Variants in EPB41L3 observed in about 807,000 individuals in gnomAD.
EPB41L3 encodes band 4.1-like protein 3.
A neutral mutation model predicts 127.1 loss-of-function variants in EPB41L3; 57 were observed. The ratio of observed to expected loss-of-function variants is 0.45; its 90% CI spans 0.36 to 0.56. EPB41L3 has a LOEUF of 0.56. Among genes scored for constraint, EPB41L3 ranks in the 20% least tolerant of loss-of-function variants. EPB41L3 has a pLI of 0.00. For synonymous variants in EPB41L3, 572 were observed against 549.5 expected, an observed-to-expected ratio of 1.04 and a Z score of -0.57; for missense variants, 1,273 against 1,372.2, an observed-to-expected ratio of 0.93 and a Z score of 1.14.
chr18:5,395,751 C>A (rs200212387), intron 19 of EPB41L3, 44 bp from the exon 20 acceptor site: 1 of 1,495,196 alleles, frequency 6.7e-7, no homozygotes, highest in Non-Finnish European at 9.3e-7. Context: ...GTGCTCACAT[C>A]TGCTCTTCAG....
chr18:5,509,002 G>T (rs987999432), intron 1 of EPB41L3, among the ~76,000 whole-genome samples: 5 of 152,144 alleles, frequency 3.3e-5, no homozygotes, highest in Non-Finnish European at 5.9e-5. Context: ...CAAGACCAAC[G>T]CAGCAGAGGC....
intron 1 of EPB41L3, among the ~76,000 whole-genome samples, chr18:5,617,319 T>A (rs1568654396): frequency 8.0e-6 from 1 of 124,894 alleles, no homozygotes; most frequent in East Asian, 2.1e-4. Context: ...CTATTATTAT[T>A]ATTTTTTTTT....
chr18:5,414,115 A>G (rs993861513), intron 13 of EPB41L3, among the ~76,000 whole-genome samples: 3 of 152,230 alleles, frequency 2.0e-5, no homozygotes, highest in African/African-American at 4.8e-5. Context: ...GTTAAAGGAA[A>G]AATATATCTC....
chr18:5,590,818 T>C (rs2094478826), intron 3 of EPB41L3, among the ~76,000 whole-genome samples: 1 of 152,180 alleles, frequency 6.6e-6, no homozygotes, highest in Non-Finnish European at 1.5e-5. Context: ...TTGCATATAA[T>C]GTCATACAAG....
rs201774673 is a variant in EPB41L3, at chr18:5,433,825, T to C, written c.824+78A>G. 176 of 1,470,266 alleles carry C rather than the reference T, an allele frequency of 1.2e-4. 2 individuals carry two copies. The East Asian group carries it at 3.9e-3, about 33-fold the overall frequency. The allele number at this position is 1,470,266 out of a possible 1,614,324, so 91.1% of individuals were successfully genotyped here. On this transcript the variant is annotated intron_variant, in intron 7 of 22. Transcript: ENST00000341928. ...CTCGCCGTTAATGGACTGAAATCAG[T>C]ACTGGGAAGAGGTGGGTTGTGTGCG...
chr18:5,472,529 AG>A (rs2086350411), intron 3 of EPB41L3, among the ~76,000 whole-genome samples: 1 of 152,214 alleles, frequency 6.6e-6, no homozygotes, highest in African/African-American at 2.4e-5. Flanking sequence ...TGGAATCAAA[AG>A]CTCTGTGATT....
At chr18:5,628,703 C>G (rs1275160803) in intron 1 of EPB41L3, among the ~76,000 whole-genome samples, 1 of 152,076 alleles carries the variant, frequency 6.6e-6, no homozygotes, top group Non-Finnish European at 1.5e-5. Flanking sequence ...ACGCGGCCGG[C>G]GGGCCGAGGG....
intron 5 of EPB41L3, among the ~76,000 whole-genome samples, chr18:5,441,492 GTTTCGC>G (rs2080732517): frequency 6.8e-6 from 1 of 147,442 alleles, no homozygotes; most frequent in Non-Finnish European, 1.5e-5. Flanking sequence ...TTGACACGGA[GTTTCGC>G]TCTGTCGCCC....
rs544050921 is a variant in EPB41L3 at position 5,589,133 on chromosome 18, G to A, written c.-306+23207C>T. Among the ~76,000 whole-genome samples, 24 of 152,192 alleles carry A rather than the reference G, an allele frequency of 1.6e-4. No homozygotes were observed. The South Asian group carries it at 2.7e-3, about 17-fold the overall frequency. ...ACTAAAGACATAAAAAGAGTTTACC[G>A]TAATTTCCTCTTTCCATTGAGGAGA... On this transcript the variant is annotated intron_variant, in intron 3 of 21. Transcript: ENST00000545076.
chr18:5,429,151 C>T (rs1015401332), intron 8 of EPB41L3: 2 of 152,218 alleles, frequency 1.3e-5, no homozygotes, highest in African/African-American at 4.8e-5. Context: ...ACACACTGCC[C>T]AGTGGTAATC....
At chr18:5,558,052 C>A (rs972197174) in intron 3 of EPB41L3, among the ~76,000 whole-genome samples, 4 of 152,194 alleles carry the variant, frequency 2.6e-5, no homozygotes, top group African/African-American at 9.6e-5. Context: ...ATGTGCCAGG[C>A]ACTTTGCAAG....
intron 3 of EPB41L3, among the ~76,000 whole-genome samples, chr18:5,609,455 C>A (rs982222295): frequency 3.9e-5 from 6 of 152,112 alleles, no homozygotes; most frequent in African/African-American, 1.4e-4. Context: ...AGACCACAAC[C>A]CTCCTTCCCA....
chr18:5,579,855 T>C (rs1428203008), intron 3 of EPB41L3, among the ~76,000 whole-genome samples: 1 of 152,198 alleles, frequency 6.6e-6, no homozygotes, highest in East Asian at 1.9e-4. Flanking sequence ...TCAGCCTCAA[T>C]TACCTTAGGA....
At position 5,407,618 on chromosome 18, in the gene EPB41L3, T is replaced by G. The variant is rs2075619796; in HGVS notation, c.2157+83A>C. Reference sequence around the variant, plus strand: ...ACCAGCTACAGAGCATGCTGAAAGATCTGAACGCTGTAGACAAACAATGAC... The same window carrying G: ...ACCAGCTACAGAGCATGCTGAAAGAGCTGAACGCTGTAGACAAACAATGAC... On this transcript the variant is annotated intron_variant, in intron 15 of 22. Coordinates refer to ENST00000341928, the MANE Select transcript of EPB41L3 (RefSeq NM_012307.5). 5 of 1,441,234 alleles carry G rather than the reference T, an allele frequency of 3.5e-6. No homozygotes were observed. The South Asian group carries it at 5.9e-5, about 17-fold the overall frequency. 89.3% of individuals were successfully genotyped at this position (1,441,234 alleles called of 1,614,324 possible). A position where few individuals can be genotyped will look rare whatever the true frequency, so the allele number is the denominator to read the frequency against.
chr18:5,489,077 G>T lies in EPB41L3; in HGVS notation c.107C>A (p.Pro36Gln), dbSNP rs61735458. ...QGRAGAPVPE[P>Q]PKEEQQQALE... ...GGCCTGCTGCTGCTCCTCCTTGGGC[G>T]GCTCCGGCACGGGCGCCCCCGCGCG... Residue 36 changes from proline to glutamine, a missense_variant, in exon 2 of 23, where the codon CCG becomes CAG. Physicochemically the swap from Pro to Gln is moderately conservative, Grantham distance 76. Coordinates refer to ENST00000341928, the MANE Select transcript of EPB41L3 (RefSeq NM_012307.5). 3,246 of 1,594,080 alleles carry T rather than the reference G, an allele frequency of 2.0e-3. 51 individuals are homozygous for T. In the African/African-American group the frequency reaches 0.039, roughly 19 times the overall value.
intron 1 of EPB41L3, among the ~76,000 whole-genome samples, chr18:5,536,847 G>A (rs1719972): frequency 0.2 from 30,958 of 151,722 alleles, 3,381 homozygotes; most frequent in African/African-American, 0.26. Flanking sequence ...ACAAACAAAC[G>A]AAACAAACAA....
chr18:5,450,930 T>C (rs1321085852), intron 3 of EPB41L3, among the ~76,000 whole-genome samples: 2 of 152,188 alleles, frequency 1.3e-5, no homozygotes, highest in Non-Finnish European at 2.9e-5. Flanking sequence ...TTCGTCAGGT[T>C]CCGGTTTGTT....
chr18:5,471,558 C>T (rs1373402825), intron 3 of EPB41L3, among the ~76,000 whole-genome samples: 1 of 152,196 alleles, frequency 6.6e-6, no homozygotes. Flanking sequence ...CCGCATTAAA[C>T]CAGTAAGTCA....
intron 3 of EPB41L3, among the ~76,000 whole-genome samples, chr18:5,453,710 A>C (rs2146725598): frequency 6.6e-6 from 1 of 152,300 alleles, no homozygotes. Context: ...TCATGAGTAT[A>C]GTATTTTGTG....
Sources: gnomAD v4.1 joint callset for allele counts (sites outside exome capture counted in the v4.1 genomes callset) on GRCh38, gnomAD v4.1.1 for gene constraint, MANE v1.5 for transcripts, NCBI Gene and HGNC (gene_info 2026-07-23, HGNC 2026-07-21) for gene names.